The following KDM6A variants were observed in gnomAD, a reference collection of about 807,000 sequenced individuals.
KDM6A encodes lysine-specific demethylase 6A.
Under a neutral mutation model 117.6 loss-of-function variants are expected in KDM6A, and 11 were observed. The observed-to-expected ratio is 0.09, with a 90% CI of 0.06 to 0.15. The LOEUF (loss-of-function observed/expected upper bound fraction) is 0.15, where lower values mean the gene tolerates loss of function less well. Among genes scored for constraint, KDM6A ranks in the 10% least tolerant of loss-of-function variants. The pLI, the probability that KDM6A is intolerant of heterozygous loss-of-function variation, is 1.00. For synonymous variants in KDM6A, 384 were observed against 396.1 expected (o/e 0.97, Z 0.36); for missense variants, 799 against 1,077.3 (o/e 0.74, Z 3.62).
chrX:44,873,860 C>T (rs1339350684), intron 1 of KDM6A, 64 bp from the exon 2 acceptor site: 11 of 1,163,049 alleles, frequency 9.5e-6, no homozygotes, highest in East Asian at 6.1e-5. Context: ...GCCTCGGGCT[C>T]GGGCAGGGAC....
At position 45,082,518 on chromosome X, in the gene KDM6A, T is replaced by C. The variant is rs182970859; in HGVS notation, c.3301-58T>C. On this transcript the variant is annotated intron_variant, in intron 21 of 29. Coordinates refer to ENST00000611820, the MANE Select transcript of KDM6A (RefSeq NM_001291415.2). ...TATGAACTTTTTTTCAGTTGTATGGTGGAAAGGATTGCCAGTTGTAGAACA... is the reference window on the plus strand; with the variant it reads ...TATGAACTTTTTTTCAGTTGTATGGCGGAAAGGATTGCCAGTTGTAGAACA... 138 of 751,509 alleles carry C rather than the reference T, an allele frequency of 1.8e-4. No homozygotes were observed. The African/African-American group carries it at 2.7e-3, about 15-fold the overall frequency. The allele number at this position is 751,509 out of a possible 1,213,427, so 61.9% of individuals were successfully genotyped here. A position where few individuals can be genotyped will look rare whatever the true frequency, so the allele number is the denominator to read the frequency against.
chrX:44,988,119 T>C (rs2040349343), intron 4 of KDM6A, among the ~76,000 whole-genome samples: 1 of 111,913 alleles, frequency 8.9e-6, no homozygotes, highest in African/African-American at 3.3e-5. Context: ...TTTTATTCTT[T>C]TTTCTCTAAA....
intron 2 of KDM6A, among the ~76,000 whole-genome samples, chrX:44,877,006 C>T (rs1360112363): frequency 8.9e-6 from 1 of 112,017 alleles, no homozygotes; most frequent in Non-Finnish European, 1.9e-5. Flanking sequence ...CGTATATACA[C>T]ACGTATACGT....
chrX:44,903,760 T>C (rs1181483359), intron 2 of KDM6A, among the ~76,000 whole-genome samples: 1 of 112,057 alleles, frequency 8.9e-6, no homozygotes, highest in Non-Finnish European at 1.9e-5. Flanking sequence ...ATTTCAGTTA[T>C]ATTTTCTATT....
In KDM6A at chrX:44,992,206, C is replaced by CTTTTTTTTT. The variant is rs779979560; in HGVS notation, c.384+17518_384+17526dup. Among the ~76,000 whole-genome samples, 21 of 32,062 alleles carry CTTTTTTTTT rather than the reference C, an allele frequency of 6.5e-4. 2 individuals are homozygous for CTTTTTTTTT. The highest frequency in any genetic ancestry group is 9.9e-4 in the Non-Finnish European group (17 of 17,130). The allele number at this position is 32,062 out of a possible 115,157, so 27.8% of individuals were successfully genotyped here. ...CGAAATTTAGCAATACTGTCTTCTT[C>CTTTTTTTTT]TTTTTTTTTTTTTTTTTTTTTTTTT... is the stretch of plus-strand genomic sequence containing the variant. On this transcript the variant is annotated intron_variant, in intron 4 of 29. Coordinates refer to ENST00000611820, the MANE Select transcript of KDM6A (RefSeq NM_001291415.2).
chrX:44,936,723 C>T (rs560441003), intron 2 of KDM6A, among the ~76,000 whole-genome samples: 2 of 112,087 alleles, frequency 1.8e-5, no homozygotes, highest in Admixed American at 9.5e-5. Flanking sequence ...ATGTTTTACA[C>T]GCACTTTATA....
intron 4 of KDM6A, among the ~76,000 whole-genome samples, chrX:45,001,631 A>G (rs753150438): frequency 8.9e-6 from 1 of 112,069 alleles, no homozygotes; most frequent in Non-Finnish European, 1.9e-5. Context: ...GTTTGAGGCA[A>G]AATTGACTTG....
intron 4 of KDM6A, among the ~76,000 whole-genome samples, chrX:44,995,827 C>T (rs1223947837): frequency 9.0e-6 from 1 of 111,145 alleles, no homozygotes; most frequent in Non-Finnish European, 1.9e-5. Flanking sequence ...TGTTTTTGAA[C>T]CAGTTTGTGG....
At chrX:44,881,117 G>T (rs1205796573) in intron 2 of KDM6A, among the ~76,000 whole-genome samples, 1 of 112,363 alleles carries the variant, frequency 8.9e-6, no homozygotes, top group African/African-American at 3.2e-5. Flanking sequence ...TTTGGCACAG[G>T]CTGATACTTG....
intron 2 of KDM6A, among the ~76,000 whole-genome samples, chrX:44,958,164 TAA>T (rs1358225759): frequency 8.3e-5 from 9 of 108,670 alleles, no homozygotes; most frequent in African/African-American, 3.1e-4. Flanking sequence ...GGGGAAAGCA[TAA>T]TAATTCTTTA....
At position 45,069,843 on chromosome X, in the gene KDM6A, A is replaced by T. The variant is rs2148042414; in HGVS notation, c.2344A>T (p.Thr782Ser). The change falls in exon 18 of 30, where the codon ACA becomes TCA. Residue 782 changes from threonine to serine, a missense_variant. By Grantham distance (58) the Thr-to-Ser change is moderately conservative. Around this residue, in one of 8 missense-constraint regions of KDM6A, gnomAD observed 301 missense variants for 318.3 expected, o/e 0.95. Transcript: ENST00000611820. Reference sequence around the variant, plus strand: ...AGGAAACATATTGACGGTGCCTGAAACAAGCAGGCACACTGGAGAGACACC... The same window carrying T: ...AGGAAACATATTGACGGTGCCTGAATCAAGCAGGCACACTGGAGAGACACC... The part of the protein sequence containing the change: ...PSGNILTVPE[T>S]SRHTGETPNS... 1 of 1,211,477 alleles carries T rather than the reference A, an allele frequency of 8.3e-7. No homozygotes were observed. Among genetic ancestry groups the T allele is most frequent in the Non-Finnish European group, 1.1e-6 (1 of 895,254 alleles).
chrX:45,079,613 G>A (rs1456655838), intron 21 of KDM6A, among the ~76,000 whole-genome samples: 1 of 111,758 alleles, frequency 8.9e-6, no homozygotes, highest in East Asian at 2.8e-4. Context: ...GCACGATCTT[G>A]GCTCACTGCA....
At chrX:44,992,289 A>G (rs1328030553) in intron 4 of KDM6A, among the ~76,000 whole-genome samples, 4 of 80,984 alleles carry the variant, frequency 4.9e-5, no homozygotes, top group Non-Finnish European at 8.8e-5. Flanking sequence ...CAATGGTGCG[A>G]TCTCGGCTCA....
At chrX:45,107,034 C>G (rs1480725616) in intron 27 of KDM6A, 1 of 184,555 alleles carries the variant, frequency 5.4e-6, no homozygotes, top group Non-Finnish European at 9.9e-6. Flanking sequence ...AAGTTCATAT[C>G]TGGAATTCAT....
chrX:44,894,837 G>A (rs758644430), intron 2 of KDM6A, among the ~76,000 whole-genome samples: 3 of 105,428 alleles, frequency 2.8e-5, no homozygotes, highest in South Asian at 8.5e-4. Context: ...GCGCGATCTC[G>A]GCTCACTGCA....
intron 2 of KDM6A, among the ~76,000 whole-genome samples, chrX:44,905,292 T>G (rs1430888300): frequency 8.9e-6 from 1 of 112,171 alleles, no homozygotes; most frequent in Non-Finnish European, 1.9e-5. Flanking sequence ...TCCGTAAGAT[T>G]ATAATACCAT....
At chrX:44,901,822 G>A (rs2034366245) in intron 2 of KDM6A, among the ~76,000 whole-genome samples, 1 of 111,906 alleles carries the variant, frequency 8.9e-6, no homozygotes, top group Non-Finnish European at 1.9e-5. Context: ...GCTCTATTTT[G>A]GTTATTGTTT....
chrX:45,027,074 T>C (rs763345887), intron 6 of KDM6A, among the ~76,000 whole-genome samples: 24 of 110,218 alleles, frequency 2.2e-4, no homozygotes, highest in Non-Finnish European at 3.8e-4. Context: ...TTTCGGAGGC[T>C]GAGGCGGGTG....
intron 8 of KDM6A, among the ~76,000 whole-genome samples, chrX:45,040,531 T>C (rs2043073272): frequency 1.7e-5 from 1 of 60,455 alleles, no homozygotes; most frequent in Non-Finnish European, 3.1e-5. Flanking sequence ...ACGGGGCGGC[T>C]GGCCGGGCAG....
Sources: allele counts gnomAD v4.1 joint callset (sites outside exome capture counted in the v4.1 genomes callset), GRCh38; gene constraint gnomAD v4.1.1; regional missense constraint gnomAD v4.1.1; transcripts MANE v1.5; gene names NCBI Gene and HGNC (gene_info 2026-07-23, HGNC 2026-07-21).